Variants in NR2F6 observed in about 807,000 individuals in gnomAD.
The protein encoded by NR2F6 is ERBA-related gene-2.
Under a neutral mutation model 26.5 loss-of-function variants are expected in NR2F6, and 16 were observed. The ratio of observed to expected loss-of-function variants is 0.60; its 90% CI spans 0.41 to 0.92. NR2F6 has a LOEUF of 0.92. Among genes scored for constraint, NR2F6 ranks in the 40% least tolerant of loss-of-function variants. NR2F6 has a pLI of 0.00. For missense variants in NR2F6, 536 were observed against 631.7 expected (o/e 0.85, Z 1.62); for synonymous variants, 325 against 305.0 (o/e 1.07, Z -0.68).
At position 17,235,754 on chromosome 19, in the gene NR2F6, C is replaced by A. The variant is rs866369135; in HGVS notation, c.685G>T (p.Ala229Ser). Residue 229 changes from alanine to serine, a missense_variant, in exon 3 of 4, where the codon GCC (alanine) becomes TCC (serine). Physicochemically the swap from Ala to Ser is moderately conservative, Grantham distance 99. Transcript: ENST00000291442. This position sits in a 1 kb window ranked among gnomAD's most constrained non-coding sequence, Gnocchi z 5.0. ...AGGCGCAGCAGCGCCACCTGGTCGG[C>A]CACCGGCAGCTCGGGGAAGAAGGGC... ...HAPFFPELPV[A>S]DQVALLRLSW... 6.7e-7 allele frequency: 1 copy of A among 1,499,766 alleles called. No homozygotes were observed. The highest frequency in any genetic ancestry group is 8.8e-7 in the Non-Finnish European group (1 of 1,133,038). The allele number at this position is 1,499,766 out of a possible 1,614,324, so 92.9% of individuals were successfully genotyped here.
chr19:17,240,854 C>T (rs1314773218), intron 1 of NR2F6, 89 bp from the exon 2 acceptor site: 6 of 1,291,660 alleles, frequency 4.6e-6, no homozygotes, highest in Non-Finnish European at 6.6e-6. Flanking sequence ...GGCTGCCCCT[C>T]AGAAATACTA....
At chr19:17,234,248 G>A (rs2073423688) in intron 3 of NR2F6, among the ~76,000 whole-genome samples, 1 of 151,812 alleles carries the variant, frequency 6.6e-6, no homozygotes, top group Non-Finnish European at 1.5e-5. Context: ...AAATCTTCTG[G>A]GAAAACAATA....
rs761842500 is a variant in NR2F6 at position 17,232,391 on chromosome 19, C to A, written c.1176G>T (p.Ser392=). 6.2e-7 allele frequency: 1 copy of A among 1,614,080 alleles called. No individual in the cohort carries two copies. ...IETLIRDMLL[S]GSTFNWPYGS... is the part of the protein sequence containing the mutation. ...CGTAGGGCCAGTTGAAGGTACTCCC[C>A]GACAGCAGCATGTCTCTGATCAGTG... Residue 392 remains serine, a synonymous_variant, in exon 4 of 4, where the codon TCG becomes TCT. Transcript: ENST00000291442.
chr19:17,232,420 C>G lies in NR2F6; in HGVS notation c.1147G>C (p.Glu383Gln). The change falls in exon 4 of 4, where the codon GAG becomes CAG. Residue 383 changes from glutamate to glutamine, a missense_variant. By Grantham distance (29) the Glu-to-Gln change is conservative. Coordinates refer to ENST00000291442, the MANE Select transcript of NR2F6 (RefSeq NM_005234.4). ...FMRLVGKTPI[E>Q]TLIRDMLLSG... ...AGCAGCATGTCTCTGATCAGTGTCTCAATGGGCGTCTTCCCCACCAGGCGC... is the reference window on the plus strand; with the variant it reads ...AGCAGCATGTCTCTGATCAGTGTCTGAATGGGCGTCTTCCCCACCAGGCGC... 1 of 1,614,150 alleles carries G rather than the reference C, an allele frequency of 6.2e-7. No homozygotes were observed. Among genetic ancestry groups the G allele is most frequent in the Non-Finnish European group, 8.5e-7 (1 of 1,180,028 alleles).
rs532572668 is a variant in NR2F6 at position 17,232,994 on chromosome 19, G to T, written c.941-368C>A. On this transcript the variant is annotated intron_variant, in intron 3 of 3. Transcript: ENST00000291442. ...GATATTCCGTCTCTACTAAAAATAAGAATAATTAGCCAGGCATGGTAGTGC... is the reference window on the plus strand; with the variant it reads ...GATATTCCGTCTCTACTAAAAATAATAATAATTAGCCAGGCATGGTAGTGC... 1.3e-3 allele frequency among the ~76,000 whole-genome samples: 198 copies of T among 152,096 alleles called. 1 individual carries two copies. The highest frequency in any genetic ancestry group is 2.4e-3 in the Non-Finnish European group (161 of 68,022).
At chr19:17,239,758 G>A (rs1295377387) in intron 2 of NR2F6, among the ~76,000 whole-genome samples, 3 of 152,128 alleles carry the variant, frequency 2.0e-5, no homozygotes, top group Non-Finnish European at 4.4e-5. Context: ...GGCGGAGGCT[G>A]CAGTGAGCTG....
rs898657339 is a variant in NR2F6, at chr19:17,235,772, A to G, written c.667T>C (p.Phe223Leu). The G allele has an allele frequency of 6.7e-7, 1 of 1,497,658 alleles. No individual in the cohort carries two copies. The highest frequency in any genetic ancestry group is 8.8e-7 in the Non-Finnish European group (1 of 1,132,184). The allele number at this position is 1,497,658 out of a possible 1,614,324, so 92.8% of individuals were successfully genotyped here. A position where few individuals can be genotyped will look rare whatever the true frequency, so the allele number is the denominator to read the frequency against. Residue 223 changes from phenylalanine (F) to leucine (L), a missense_variant, in exon 3 of 4, where the codon TTC (phenylalanine) becomes CTC (leucine). By Grantham distance (22) the Phe-to-Leu change is conservative. Transcript: ENST00000291442. This position sits in a 1 kb window ranked among gnomAD's most constrained non-coding sequence, Gnocchi z 5.0. Reference sequence around the variant, plus strand: ...TGGTCGGCCACCGGCAGCTCGGGGAAGAAGGGCGCGTGGCGCGCCCACTCC... The same window carrying G: ...TGGTCGGCCACCGGCAGCTCGGGGAGGAAGGGCGCGTGGCGCGCCCACTCC... ...TVEWARHAPF[F>L]PELPVADQVA...
chr19:17,242,771 G>T (rs1420783613), intron 1 of NR2F6, among the ~76,000 whole-genome samples: 1 of 152,208 alleles, frequency 6.6e-6, no homozygotes, highest in African/African-American at 2.4e-5. Flanking sequence ...TGACCTCAGG[G>T]GAGGCCCTGA....
Position 17,235,932 on chromosome 19 carries a change from C to A in NR2F6, c.507G>T (p.Leu169=). The change falls in exon 3 of 4, where the codon CTG becomes CTT. Residue 169 remains leucine, a synonymous_variant. Coordinates refer to ENST00000291442, the MANE Select transcript of NR2F6 (RefSeq NM_005234.4). This position sits in a 1 kb window ranked among gnomAD's most constrained non-coding sequence, Gnocchi z 5.0. ...GCTCAGCGCGCAGCAGCTGCGCGATCAGTTCGGACACCGGCTGCCCCGGGA... is the reference window on the plus strand; with the variant it reads ...GCTCAGCGCGCAGCAGCTGCGCGATAAGTTCGGACACCGGCTGCCCCGGGA... ...DLFPGQPVSE[L]IAQLLRAEPY... is the part of the protein sequence containing the mutation. 1 of 1,480,960 alleles carries A rather than the reference C, an allele frequency of 6.8e-7. No homozygotes were observed. The highest frequency in any genetic ancestry group is 1.3e-5 in the South Asian group (1 of 78,614). The allele number at this position is 1,480,960 out of a possible 1,614,324, so 91.7% of individuals were successfully genotyped here. A position where few individuals can be genotyped will look rare whatever the true frequency, so the allele number is the denominator to read the frequency against.
At chr19:17,244,605 C>G (rs1174898771) in intron 1 of NR2F6, 11 of 265,874 alleles carry the variant, frequency 4.1e-5, no homozygotes, top group Non-Finnish European at 7.9e-5. Context: ...AACGGGTGCC[C>G]TGGGGTTGGG....
rs969261035 is a variant in NR2F6 at position 17,235,281 on chromosome 19, G to A, written c.940+218C>T. On this transcript the variant is annotated intron_variant, in intron 3 of 3. Transcript: ENST00000291442. The surrounding 1 kb of genome is among the most constrained non-coding windows in gnomAD (Gnocchi z 5.0). ...TGGGGTCCGGGGTTCAGAGTTCTCC[G>A]AGAGTCCTGGGATCACGGAGTGGGG... Among the ~76,000 whole-genome samples, 6 of 152,210 alleles carry A rather than the reference G, an allele frequency of 3.9e-5. No individual in the cohort carries two copies. Among genetic ancestry groups the A allele is most frequent in the Admixed American group, 6.5e-5 (1 of 15,288 alleles).
At position 17,232,578 on chromosome 19, in the gene NR2F6, T is replaced by C. The variant is rs2073413697; in HGVS notation, c.989A>G (p.Lys330Arg). 6.3e-7 allele frequency: 1 copy of C among 1,580,018 alleles called. No homozygotes were observed. The highest frequency in any genetic ancestry group is 1.3e-5 in the African/African-American group (1 of 74,098). The change falls in exon 4 of 4, where the codon AAG becomes AGG. Residue 330 changes from lysine (K) to arginine (R), a missense_variant. By Grantham distance (26) the Lys-to-Arg change is conservative (BLOSUM62 2). Transcript: ENST00000291442. ...ATACTCGGTGAGGGCCACCTGCGCC[T>C]TCTCCTGCAGGCTCTCAACGTGGGC... ...DPAHVESLQE[K>R]AQVALTEYVR... is the part of the protein sequence containing the mutation.
intron 2 of NR2F6, among the ~76,000 whole-genome samples, chr19:17,238,218 A>G (rs187465106): frequency 1.3e-5 from 2 of 152,342 alleles, no homozygotes; most frequent in East Asian, 3.9e-4. Flanking sequence ...TTACATGGTA[A>G]TTCAAGCCAA....
Position 17,245,897 on chromosome 19 carries a change from C to G in NR2F6, c.-677G>C, listed in dbSNP as rs1467528458. On this transcript the variant is annotated 5_prime_UTR_variant, in exon 1 of 4. Coordinates refer to ENST00000291442, the MANE Select transcript of NR2F6 (RefSeq NM_005234.4). This position sits in a 1 kb window ranked among gnomAD's most constrained non-coding sequence, Gnocchi z 5.0. ...CGCCACCGCCACCGACCCCGCGCGC[C>G]GGCCTCGCGCTGCGGCCGGTTTGAC... is the stretch of plus-strand genomic sequence containing the variant. The G allele has an allele frequency of 2.0e-5, 3 of 146,600 alleles. No homozygotes were observed. 9.1% of individuals were successfully genotyped at this position (146,600 alleles called of 1,614,324 possible). A position where few individuals can be genotyped will look rare whatever the true frequency, so the allele number is the denominator to read the frequency against.
At position 17,232,477 on chromosome 19, in the gene NR2F6, G is replaced by A. The variant is rs1459960893; in HGVS notation, c.1090C>T (p.Pro364Ser). The change falls in exon 4 of 4, where the codon CCT (proline) becomes TCT (serine). Residue 364 changes from proline (P) to serine (S), a missense_variant. Physicochemically the swap from Pro to Ser is moderately conservative, Grantham distance 74. Transcript: ENST00000291442. The part of the protein sequence containing the change: ...LLRLPALRAV[P>S]ASLISQLFFM... ...AACAGCTGGGAGATGAGGGAGGCAGGGACCGCGCGCAGGGCGGGGAGCCGC... is the reference window on the plus strand; with the variant it reads ...AACAGCTGGGAGATGAGGGAGGCAGAGACCGCGCGCAGGGCGGGGAGCCGC... 4 of 1,613,282 alleles carry A rather than the reference G, an allele frequency of 2.5e-6. No individual in the cohort carries two copies. The highest frequency in any genetic ancestry group is 1.3e-5 in the African/African-American group (1 of 74,934).
At chr19:17,239,537 C>T (rs1401320994) in intron 2 of NR2F6, among the ~76,000 whole-genome samples, 1 of 151,964 alleles carries the variant, frequency 6.6e-6, no homozygotes, top group Non-Finnish European at 1.5e-5. Context: ...GCCTGTAGTC[C>T]CAGCTACTCC....
In NR2F6 at chr19:17,245,044, G is replaced by C; in HGVS notation, c.177C>G (p.Cys59Trp). The C allele has an allele frequency of 6.2e-7, 1 of 1,602,222 alleles. No individual in the cohort carries two copies. The highest frequency in any genetic ancestry group is 1.7e-4 in the Middle Eastern group (1 of 6,000). ...RPGLQVDCVVCGDKSSGKHYG... is the reference protein window; with the variant it reads ...RPGLQVDCVVWGDKSSGKHYG... ...AATGCTTGCCGCTCGACTTGTCCCC[G>C]CACACCACGCAGTCCACCTGCAGCC... The change falls in exon 1 of 4, where the codon TGC (cysteine) becomes TGG (tryptophan). Residue 59 changes from cysteine to tryptophan, a missense_variant. Cys to Trp is a radical substitution (Grantham distance 215). Coordinates refer to ENST00000291442, the MANE Select transcript of NR2F6 (RefSeq NM_005234.4). This position sits in a 1 kb window ranked among gnomAD's most constrained non-coding sequence, Gnocchi z 5.0.
intron 1 of NR2F6, among the ~76,000 whole-genome samples, chr19:17,241,117 T>C (rs2073467003): frequency 6.6e-6 from 1 of 152,170 alleles, no homozygotes; most frequent in South Asian, 2.1e-4. Flanking sequence ...TACACAAATA[T>C]GGAGGCCTAA....
intron 2 of NR2F6, among the ~76,000 whole-genome samples, chr19:17,238,922 C>T (rs542432144): frequency 2.3e-4 from 35 of 152,164 alleles, no homozygotes; most frequent in Middle Eastern, 6.8e-3. Context: ...AAAAAGCTGC[C>T]GGGTGGGGTG....
Sources: gnomAD v4.1 joint callset for allele counts (sites outside exome capture counted in the v4.1 genomes callset) on GRCh38, gnomAD v4.1.1 for gene constraint, Gnocchi (gnomAD v3.1) non-coding constraint, MANE v1.5 for transcripts, NCBI Gene and HGNC (gene_info 2026-07-23, HGNC 2026-07-21) for gene names.